Variants in NTM observed in about 807,000 individuals in gnomAD.
NTM encodes the protein neurotrimin.
Under a neutral mutation model 42.1 loss-of-function variants are expected in NTM, and 13 were observed. The ratio of observed to expected loss-of-function variants is 0.31; its 90% CI spans 0.20 to 0.49. The LOEUF is 0.49. NTM is among the 20% of genes least tolerant of loss of function. The pLI, the probability that NTM is intolerant of heterozygous loss-of-function variation, is 0.99. For missense variants in NTM, 373 were observed against 452.8 expected (o/e 0.82, Z 1.60); for synonymous variants, 187 against 179.2 (o/e 1.04, Z -0.35).
chr11:131,795,679 A>G (rs2091473377), intron 1 of NTM: 1 of 985,308 alleles, frequency 1.0e-6, no homozygotes, highest in Admixed American at 6.1e-5. Flanking sequence ...TTCAGGGCGA[A>G]CAGCAGATAT....
chr11:131,565,641 T>C (rs1267146317), intron 1 of NTM, among the ~76,000 whole-genome samples: 2 of 152,210 alleles, frequency 1.3e-5, no homozygotes, highest in Non-Finnish European at 2.9e-5. Flanking sequence ...AGTAAGTGCC[T>C]TTATGTTCTC....
intron 1 of NTM, among the ~76,000 whole-genome samples, chr11:131,738,499 A>G (rs1419754789): frequency 1.3e-5 from 2 of 152,250 alleles, no homozygotes; most frequent in Non-Finnish European, 2.9e-5. Flanking sequence ...GAACCAATGC[A>G]AAATTTTCCG....
intron 2 of NTM, among the ~76,000 whole-genome samples, chr11:132,078,105 T>C (rs2058593643): frequency 1.3e-5 from 2 of 152,248 alleles, no homozygotes; most frequent in Non-Finnish European, 2.9e-5. Context: ...TGCTTCTCAG[T>C]GTCTACTTTG....
intron 2 of NTM, among the ~76,000 whole-genome samples, chr11:131,999,226 A>G (rs1225392897): frequency 6.6e-6 from 1 of 152,070 alleles, no homozygotes; most frequent in Non-Finnish European, 1.5e-5. Flanking sequence ...CTCTGTTCCC[A>G]TGGCAACCAC....
chr11:132,240,011 C>T (rs1007728291), intron 4 of NTM, among the ~76,000 whole-genome samples: 1 of 151,450 alleles, frequency 6.6e-6, no homozygotes, highest in South Asian at 2.1e-4. Flanking sequence ...TTCATCCATC[C>T]AACCACCCAT....
chr11:131,863,874 C>T (rs749204816), intron 1 of NTM, among the ~76,000 whole-genome samples: 4 of 152,244 alleles, frequency 2.6e-5, no homozygotes, highest in Non-Finnish European at 5.9e-5. Context: ...TTTTGATTTA[C>T]TCACATTTAA....
intron 1 of NTM, among the ~76,000 whole-genome samples, chr11:131,568,990 T>A (rs1216559290): frequency 6.6e-6 from 1 of 152,158 alleles, no homozygotes; most frequent in East Asian, 1.9e-4. Flanking sequence ...TCCATAGAAT[T>A]TTGCATCCAT....
At chr11:131,921,924 C>A (rs774884103) in intron 2 of NTM, among the ~76,000 whole-genome samples, 12 of 152,102 alleles carry the variant, frequency 7.9e-5, no homozygotes, top group Admixed American at 2.0e-4. Flanking sequence ...ATTCATATCC[C>A]AACATCCAAC....
intron 2 of NTM, among the ~76,000 whole-genome samples, chr11:132,118,761 C>T (rs770302498): frequency 6.6e-6 from 1 of 152,084 alleles, no homozygotes; most frequent in Non-Finnish European, 1.5e-5. Flanking sequence ...GAGATCGCAG[C>T]GTCAGATTGG....
intron 2 of NTM, among the ~76,000 whole-genome samples, chr11:132,053,500 T>C (rs2079153465): frequency 6.6e-6 from 1 of 152,230 alleles, no homozygotes; most frequent in Non-Finnish European, 1.5e-5. Context: ...GTCTCTTTCA[T>C]AATGCAAAGG....
intron 3 of NTM, among the ~76,000 whole-genome samples, chr11:132,194,615 A>G (rs1032192591): frequency 1.3e-5 from 2 of 152,106 alleles, no homozygotes; most frequent in African/African-American, 4.8e-5. Context: ...AGTCCTTGCC[A>G]GAGAAGTTGG....
chr11:132,164,405 A>G (rs1338005960), intron 3 of NTM, among the ~76,000 whole-genome samples: 1 of 152,196 alleles, frequency 6.6e-6, no homozygotes, highest in Non-Finnish European at 1.5e-5. Context: ...CATCAGCCTC[A>G]CTGGGCATTC....
At chr11:132,219,090 C>T (rs1217225467) in intron 4 of NTM, among the ~76,000 whole-genome samples, 2 of 152,096 alleles carry the variant, frequency 1.3e-5, no homozygotes, top group Non-Finnish European at 2.9e-5. Context: ...ACTTGGCATT[C>T]TCCACACACT....
At chr11:131,608,740 G>A (rs2061218840) in intron 1 of NTM, among the ~76,000 whole-genome samples, 1 of 151,634 alleles carries the variant, frequency 6.6e-6, no homozygotes, top group Non-Finnish European at 1.5e-5. Context: ...CGTTTTCCCT[G>A]TCTCTATTGC....
In NTM at chr11:131,388,882, C is replaced by T. The variant is rs147102846; in HGVS notation, c.82+17994C>T. The stretch of plus-strand genomic sequence containing the variant: ...TAAAAATTATCCAGGTATGGTGGCA[C>T]GTGCCTGTAATCCCAGCTAATTGGG... On this transcript the variant is annotated intron_variant, in intron 1 of 8. Coordinates refer to ENST00000683400, the MANE Select transcript of NTM (RefSeq NM_001352005.2). 9.6e-3 allele frequency among the ~76,000 whole-genome samples: 1,451 copies of T among 151,402 alleles called. 22 individuals carry two copies. Among genetic ancestry groups the T allele is most frequent in the African/African-American group, 0.033 (1,377 of 41,230 alleles).
chr11:131,923,227 T>C (rs2057474354), intron 2 of NTM, among the ~76,000 whole-genome samples: 1 of 152,226 alleles, frequency 6.6e-6, no homozygotes, highest in African/African-American at 2.4e-5. Flanking sequence ...CATTTATTGC[T>C]ACTCCCCCTA....
intron 2 of NTM, among the ~76,000 whole-genome samples, chr11:131,939,488 C>T (rs755875702): frequency 6.6e-6 from 1 of 151,892 alleles, no homozygotes; most frequent in Non-Finnish European, 1.5e-5. Flanking sequence ...TGTGTGCATA[C>T]GTTCAGACCC....
intron 1 of NTM, among the ~76,000 whole-genome samples, chr11:131,464,554 T>C (rs1219488888): frequency 2.0e-5 from 3 of 152,162 alleles, no homozygotes; most frequent in Non-Finnish European, 2.9e-5. Context: ...CTCCTCTTCC[T>C]TTTCACTCTC....
At chr11:131,424,880 TA>T (rs1947959732) in intron 1 of NTM, among the ~76,000 whole-genome samples, 1 of 145,270 alleles carries the variant, frequency 6.9e-6, no homozygotes, top group Non-Finnish European at 1.5e-5. Flanking sequence ...TTTTTTTTTT[TA>T]TTTTTTTATT....
Sources: allele counts gnomAD v4.1 joint callset (sites outside exome capture counted in the v4.1 genomes callset), GRCh38; gene constraint gnomAD v4.1.1; transcripts MANE v1.5; gene names NCBI Gene and HGNC (gene_info 2026-07-23, HGNC 2026-07-21).